TSNARE1: variants seen among roughly 807,000 people sequenced by gnomAD.
TSNARE1 encodes the protein t-SNARE domain-containing protein 1.
TSNARE1 carries 49 observed loss-of-function variants against 62.0 expected under a neutral mutation model. The observed-to-expected ratio is 0.79, with a 90% confidence interval of 0.63 to 1.00. TSNARE1 has a LOEUF of 1.00. Ranked by LOEUF, TSNARE1 falls within the 50% of genes least tolerant of loss-of-function variation. TSNARE1 has a pLI of 0.00. For synonymous variants in TSNARE1, 328 were observed against 294.4 expected (o/e 1.11, Z -1.17); for missense variants, 755 against 700.1 (o/e 1.08, Z -0.88).
At chr8:142,315,495 G>A (rs893023688) in intron 7 of TSNARE1, among the ~76,000 whole-genome samples, 1 of 152,246 alleles carries the variant, frequency 6.6e-6, no homozygotes, top group African/African-American at 2.4e-5. Context: ...CATCTCGCCT[G>A]TATCTGGGCT....
At chr8:142,285,215 G>A (rs1822484034) in intron 10 of TSNARE1, among the ~76,000 whole-genome samples, 1 of 150,892 alleles carries the variant, frequency 6.6e-6, no homozygotes, top group Non-Finnish European at 1.5e-5. Context: ...TGGATGGACA[G>A]ATGAATGGGT....
intron 4 of TSNARE1, among the ~76,000 whole-genome samples, chr8:142,342,655 G>A (rs935780358): frequency 5.9e-5 from 9 of 152,328 alleles, no homozygotes; most frequent in Non-Finnish European, 7.4e-5. Context: ...CTGAGTGCAC[G>A]CCATGTCTAT....
At chr8:142,314,931 T>G (rs1828280316) in intron 8 of TSNARE1, 72 bp downstream of exon 8, 4 of 1,429,300 alleles carry the variant, frequency 2.8e-6, no homozygotes, top group African/African-American at 1.4e-5. Flanking sequence ...AAGACAGCCA[T>G]GACAGTGCTC....
chr8:142,326,305 A>T (rs34332055), intron 6 of TSNARE1: 2 of 55,706 alleles, frequency 3.6e-5, no homozygotes, highest in East Asian at 6.7e-4. Context: ...ACCAGCACCA[A>T]CGAAGGGGAG....
At chr8:142,380,950 C>A (rs950044986) in intron 1 of TSNARE1, among the ~76,000 whole-genome samples, 3 of 152,314 alleles carry the variant, frequency 2.0e-5, no homozygotes, top group African/African-American at 7.2e-5. Context: ...ACCCCCCACA[C>A]ACACATGCAC....
At chr8:142,255,710 CCATCAT>C (rs1818441085) in intron 12 of TSNARE1, among the ~76,000 whole-genome samples, 1 of 53,512 alleles carries the variant, frequency 1.9e-5, no homozygotes, top group Admixed American at 1.6e-4. Context: ...ACCATCACCA[CCATCAT>C]CACCATCACC....
chr8:142,317,669 G>A (rs1828793241), intron 7 of TSNARE1, among the ~76,000 whole-genome samples: 3 of 152,152 alleles, frequency 2.0e-5, no homozygotes, highest in Admixed American at 2.0e-4. Flanking sequence ...GTCAGAAGTG[G>A]GGACAGGGCC....
rs894552699 is a variant in TSNARE1, at chr8:142,291,694, C to T, written c.1291-7209G>A. On this transcript the variant is annotated intron_variant, in intron 10 of 13. Coordinates refer to ENST00000524325, the MANE Select transcript of TSNARE1 (RefSeq NM_145003.5). The surrounding 1 kb of genome is among the most constrained non-coding windows in gnomAD (Gnocchi z 4.8). ...TCGAGTGGCGAGAGATGAATCCTAA[C>T]GAGAACCCAACAGTGTGTGGGGGGC... 2.0e-5 allele frequency among the ~76,000 whole-genome samples: 3 copies of T among 152,178 alleles called. No individual in the cohort carries two copies. The highest frequency in any genetic ancestry group is 7.2e-5 in the African/African-American group (3 of 41,450).
At chr8:142,311,232 G>A (rs1245409913) in intron 9 of TSNARE1, among the ~76,000 whole-genome samples, 1 of 147,224 alleles carries the variant, frequency 6.8e-6, no homozygotes, top group African/African-American at 2.5e-5. Flanking sequence ...TGGCAATCTT[G>A]GCTCACTGCA....
intron 6 of TSNARE1, among the ~76,000 whole-genome samples, chr8:142,329,288 A>C (rs542354794): frequency 1.3e-5 from 2 of 152,288 alleles, no homozygotes. Context: ...GGGGAGAGCC[A>C]AGGTGCCGGG....
chr8:142,318,841 C>T (rs958085196), intron 6 of TSNARE1, among the ~76,000 whole-genome samples: 3 of 151,258 alleles, frequency 2.0e-5, no homozygotes, highest in African/African-American at 7.3e-5. Context: ...GGGTAGCAAA[C>T]AGAAAGAGGC....
At chr8:142,273,943 C>A in intron 12 of TSNARE1, 7 of 985,278 alleles carry the variant, frequency 7.1e-6, no homozygotes, top group Non-Finnish European at 8.4e-6. Context: ...CTCCTGGACC[C>A]TGGCCTCACA....
chr8:142,369,708 C>T lies in TSNARE1; in HGVS notation c.-39-14945G>A, dbSNP rs1835793787. 2.0e-5 allele frequency among the ~76,000 whole-genome samples: 3 copies of T among 152,292 alleles called. No homozygotes were observed. The South Asian group carries it at 6.2e-4, about 32-fold the overall frequency. ...GATGGAAATGAAGAAGCTTCTGGAGCTCTGCCATACACTCAACACAGCCAG... is the reference window on the plus strand; with the variant it reads ...GATGGAAATGAAGAAGCTTCTGGAGTTCTGCCATACACTCAACACAGCCAG... On this transcript the variant is annotated intron_variant, in intron 1 of 13. Coordinates refer to ENST00000524325, the MANE Select transcript of TSNARE1 (RefSeq NM_145003.5).
chr8:142,376,215 G>A (rs1400391260), intron 1 of TSNARE1, among the ~76,000 whole-genome samples: 2 of 152,130 alleles, frequency 1.3e-5, no homozygotes, highest in African/African-American at 4.8e-5. Flanking sequence ...AAAGGGACAA[G>A]GGTGTGTCTC....
chr8:142,272,816 C>T (rs1293050320), intron 12 of TSNARE1: 2 of 983,910 alleles, frequency 2.0e-6, no homozygotes, highest in East Asian at 2.3e-4. Flanking sequence ...TGGGGAGGGC[C>T]CCTCGCAGGC....
chr8:142,369,075 C>T (rs1019047752), intron 1 of TSNARE1, among the ~76,000 whole-genome samples: 1 of 152,180 alleles, frequency 6.6e-6, no homozygotes, highest in African/African-American at 2.4e-5. Flanking sequence ...ATGAGACAAC[C>T]GCCACCCGGC....
intron 12 of TSNARE1, among the ~76,000 whole-genome samples, chr8:142,259,739 G>A (rs549715842): frequency 1.4e-3 from 209 of 152,250 alleles, no homozygotes; most frequent in African/African-American, 4.8e-3. Flanking sequence ...TTCCCCTACC[G>A]TTCTGCTACT....
At chr8:142,371,033 C>A (rs1196431569) in intron 1 of TSNARE1, among the ~76,000 whole-genome samples, 1 of 152,176 alleles carries the variant, frequency 6.6e-6, no homozygotes, top group African/African-American at 2.4e-5. Context: ...CTGTTTCTCA[C>A]AGGTACAAGA....
chr8:142,370,162 C>A (rs1239718497), intron 1 of TSNARE1, among the ~76,000 whole-genome samples: 2 of 152,200 alleles, frequency 1.3e-5, no homozygotes, highest in African/African-American at 4.8e-5. Flanking sequence ...TCTGCTGGCA[C>A]CTTGATCCTG....
Sources: allele counts gnomAD v4.1 joint callset (sites outside exome capture counted in the v4.1 genomes callset), GRCh38; gene constraint gnomAD v4.1.1; non-coding constraint Gnocchi (gnomAD v3.1); transcripts MANE v1.5; gene names NCBI Gene and HGNC (gene_info 2026-07-23, HGNC 2026-07-21).